Variants in RTN1 observed in about 807,000 individuals in gnomAD.
RTN1 encodes reticulon-1.
A neutral mutation model predicts 65.5 loss-of-function variants in RTN1; 25 were observed. The ratio of observed to expected loss-of-function variants is 0.38; its 90% CI spans 0.28 to 0.53. RTN1 has a LOEUF of 0.53. Ranked by LOEUF, RTN1 falls within the 20% of genes least tolerant of loss-of-function variation. The pLI is 0.79. For missense variants in RTN1, 983 were observed against 1,025.4 expected (o/e 0.96, Z 0.57); for synonymous variants, 471 against 447.6 (o/e 1.05, Z -0.66).
chr14:59,701,665 G>A (rs147446703), intron 3 of RTN1, among the ~76,000 whole-genome samples: 43 of 152,182 alleles, frequency 2.8e-4, no homozygotes, highest in Non-Finnish European at 4.7e-4. Context: ...TAGATTCGTG[G>A]TTGCCAGGGA....
intron 3 of RTN1, among the ~76,000 whole-genome samples, chr14:59,616,161 G>C (rs868128370): frequency 1.3e-5 from 2 of 152,152 alleles, no homozygotes; most frequent in African/African-American, 4.8e-5. Flanking sequence ...GCTTTCTTTG[G>C]TCTATATTTG....
At chr14:59,841,650 T>C (rs1480188114) in intron 1 of RTN1, among the ~76,000 whole-genome samples, 3 of 148,738 alleles carry the variant, frequency 2.0e-5, no homozygotes, top group Non-Finnish European at 3.0e-5. Context: ...GAGGATGCAG[T>C]GAGCCAAGAT....
intron 7 of RTN1, 42 bp downstream of exon 7, chr14:59,603,170 G>A: frequency 6.2e-7 from 1 of 1,611,816 alleles, no homozygotes; most frequent in Non-Finnish European, 8.5e-7. Context: ...AGATGATGAG[G>A]TCAAAATTCA....
chr14:59,797,123 C>A (rs1413293104), intron 1 of RTN1, among the ~76,000 whole-genome samples: 5 of 152,084 alleles, frequency 3.3e-5, no homozygotes, highest in African/African-American at 1.2e-4. Context: ...ATGGATGATT[C>A]CTTTGGAAGA....
chr14:59,749,358 CTA>C (rs1320572308), intron 1 of RTN1, among the ~76,000 whole-genome samples: 644 of 16,658 alleles, frequency 0.039, 155 homozygotes, highest in Middle Eastern at 0.071. Flanking sequence ...CTATATATAT[CTA>C]TATATATATC....
chr14:59,749,150 CTATCTATATCTATCTATA>C lies in RTN1; in HGVS notation c.242-2687_242-2670del, dbSNP rs1566710913. ...GATATATCTATATCTATCTATCTAT[CTATCTATATCTATCTATA>C]TATCTATCTATATATCTATCTATAT... On this transcript the variant is annotated intron_variant, in intron 1 of 8. Coordinates refer to ENST00000267484, the MANE Select transcript of RTN1 (RefSeq NM_021136.3). 3.4e-3 allele frequency among the ~76,000 whole-genome samples: 357 copies of C among 103,946 alleles called. 40 individuals are homozygous for C. The highest frequency in any genetic ancestry group is 0.019 in the African/African-American group (322 of 17,094). 68.2% of individuals were successfully genotyped at this position (103,946 alleles called of 152,430 possible).
Position 59,870,370 on chromosome 14 carries a change from G to A in RTN1, c.241+20C>T. ...CCCTGGTCCCCGACGCCATTTGAGGGGCAGCGGCGCCCGCCTTACCTGTGG... is the reference window on the plus strand; with the variant it reads ...CCCTGGTCCCCGACGCCATTTGAGGAGCAGCGGCGCCCGCCTTACCTGTGG... On this transcript the variant is annotated intron_variant, in intron 1 of 8. Transcript: ENST00000267484. The surrounding 1 kb of genome is among the most constrained non-coding windows in gnomAD (Gnocchi z 5.1). 3 of 1,491,324 alleles carry A rather than the reference G, an allele frequency of 2.0e-6. No individual in the cohort carries two copies. Among genetic ancestry groups the A allele is most frequent in the Non-Finnish European group, 2.7e-6 (3 of 1,130,772 alleles). 92.4% of individuals were successfully genotyped at this position (1,491,324 alleles called of 1,614,324 possible).
intron 1 of RTN1, among the ~76,000 whole-genome samples, chr14:59,840,540 G>C (rs565945604): frequency 1.3e-5 from 2 of 152,150 alleles, no homozygotes; most frequent in Non-Finnish European, 2.9e-5. Flanking sequence ...GAGTAAATGC[G>C]ATGTGGTCTG....
In RTN1 at chr14:59,704,681, T is replaced by C. The variant is rs895294441; in HGVS notation, c.1765+22238A>G. On this transcript the variant is annotated intron_variant, in intron 3 of 8. Coordinates refer to ENST00000267484, the MANE Select transcript of RTN1 (RefSeq NM_021136.3). ...ATTGGAGAAACAATCAAATTGCCAG[T>C]CACTGAGAGAGCAGAGAGGAGAGAA... Among the ~76,000 whole-genome samples, 7 of 152,106 alleles carry C rather than the reference T, an allele frequency of 4.6e-5. 1 individual carries two copies. The highest frequency in any genetic ancestry group is 1.0e-4 in the Non-Finnish European group (7 of 68,020).
intron 3 of RTN1, among the ~76,000 whole-genome samples, chr14:59,684,330 C>A (rs981600576): frequency 6.6e-6 from 1 of 151,976 alleles, no homozygotes; most frequent in African/African-American, 2.4e-5. Context: ...TTTCACATTA[C>A]TTTTACTGCC....
At chr14:59,854,981 G>A (rs185717691) in intron 1 of RTN1, among the ~76,000 whole-genome samples, 6 of 152,210 alleles carry the variant, frequency 3.9e-5, no homozygotes, top group Non-Finnish European at 5.9e-5. Flanking sequence ...TCAGAAATCA[G>A]TAAGTACTGT....
chr14:59,754,919 C>T (rs990972692), intron 1 of RTN1, among the ~76,000 whole-genome samples: 7 of 152,074 alleles, frequency 4.6e-5, no homozygotes, highest in African/African-American at 1.4e-4. Flanking sequence ...CGGTTCATTA[C>T]GTACTTTAAA....
intron 1 of RTN1, among the ~76,000 whole-genome samples, chr14:59,796,750 T>C (rs1238450452): frequency 1.3e-5 from 2 of 152,168 alleles, no homozygotes; most frequent in Admixed American, 1.3e-4. Context: ...CTGTAAACAG[T>C]AGAGGTACTC....
intron 3 of RTN1, among the ~76,000 whole-genome samples, chr14:59,613,796 C>T (rs988246587): frequency 1.4e-5 from 2 of 142,046 alleles, no homozygotes; most frequent in Non-Finnish European, 3.1e-5. Flanking sequence ...GCACCACATA[C>T]CCTGTTTTGG....
intron 3 of RTN1, among the ~76,000 whole-genome samples, chr14:59,699,218 CT>C (rs1283785829): frequency 6.6e-5 from 10 of 151,976 alleles, no homozygotes; most frequent in Non-Finnish European, 1.0e-4. Context: ...TCACAAATCA[CT>C]GCTAAAGTGC....
rs1566658624 is a variant in RTN1, at chr14:59,607,360, G to A, written c.1898C>T (p.Ser633Leu). The A allele has an allele frequency of 6.2e-7, 1 of 1,613,600 alleles. No homozygotes were observed. The change falls in exon 4 of 9, where the codon TCA becomes TTA. Residue 633 changes from serine (S) to leucine (L), a missense_variant. Around this residue, in one of 2 missense-constraint regions of RTN1, gnomAD observed 165 missense variants for 223.6 expected, o/e 0.74. Coordinates refer to ENST00000267484, the MANE Select transcript of RTN1 (RefSeq NM_021136.3). ...GTAGATGCGGAAACTGATGGTGGCTGAGAGTGCGGCCAGGGCCAGGTAGGC... is the reference window on the plus strand; with the variant it reads ...GTAGATGCGGAAACTGATGGTGGCTAAGAGTGCGGCCAGGGCCAGGTAGGC... ...VVAYLALAAL[S>L]ATISFRIYKS...
rs1594774768 is a variant in RTN1 at position 59,870,502 on chromosome 14, C to G, written c.129G>C (p.Gln43His). The change falls in exon 1 of 9, where the codon CAG becomes CAC. Residue 43 changes from glutamine to histidine, a missense_variant. Physicochemically the swap from Gln to His is conservative, Grantham distance 24. Coordinates refer to ENST00000267484, the MANE Select transcript of RTN1 (RefSeq NM_021136.3). The surrounding 1 kb of genome is among the most constrained non-coding windows in gnomAD (Gnocchi z 5.1). Reference protein sequence around the residue: ...VTPKGATPAPQAGEPSPGLGA... With the variant: ...VTPKGATPAPHAGEPSPGLGA... ...CCAACCCCGGGCTGGGCTCCCCAGCCTGCGGCGCCGGCGTGGCCCCTTTCG... is the reference window on the plus strand; with the variant it reads ...CCAACCCCGGGCTGGGCTCCCCAGCGTGCGGCGCCGGCGTGGCCCCTTTCG... 4 of 1,456,692 alleles carry G rather than the reference C, an allele frequency of 2.7e-6. No individual in the cohort carries two copies. In the East Asian group the frequency reaches 1.2e-4, roughly 44 times the overall value. 90.2% of individuals were successfully genotyped at this position (1,456,692 alleles called of 1,614,324 possible). A position where few individuals can be genotyped will look rare whatever the true frequency, so the allele number is the denominator to read the frequency against.
At position 59,630,685 on chromosome 14, in the gene RTN1, G is replaced by A. The variant is rs571812623; in HGVS notation, c.1766-23193C>T. ...GCGTCGCTGGCGCCGCAGTCTGCGC[G>A]GCCGGCAGCGAATCAGCGCGGCGCG... On this transcript the variant is annotated intron_variant, in intron 3 of 8. Transcript: ENST00000267484. 3.9e-5 allele frequency: 46 copies of A among 1,174,654 alleles called. No homozygotes were observed. In the African/African-American group the frequency reaches 6.9e-4, roughly 18 times the overall value. 72.8% of individuals were successfully genotyped at this position (1,174,654 alleles called of 1,614,324 possible). A position where few individuals can be genotyped will look rare whatever the true frequency, so the allele number is the denominator to read the frequency against.
At chr14:59,735,871 A>G (rs1162004773) in intron 2 of RTN1, among the ~76,000 whole-genome samples, 1 of 152,104 alleles carries the variant, frequency 6.6e-6, no homozygotes, top group Non-Finnish European at 1.5e-5. Flanking sequence ...TCAAATTAGA[A>G]CTCAAGATTA....
Sources: gnomAD v4.1 joint callset for allele counts (sites outside exome capture counted in the v4.1 genomes callset) on GRCh38, gnomAD v4.1.1 for gene constraint, gnomAD v4.1.1 regional missense constraint, Gnocchi (gnomAD v3.1) non-coding constraint, MANE v1.5 for transcripts, NCBI Gene and HGNC (gene_info 2026-07-23, HGNC 2026-07-21) for gene names.